SEC14L1: variants seen among roughly 807,000 people sequenced by gnomAD.
SEC14L1 encodes the protein SEC14-like protein 1.
SEC14L1 carries 48 observed loss-of-function variants against 85.3 expected under a neutral mutation model. That is an observed-to-expected ratio of 0.56 (90% CI 0.45 to 0.72). The LOEUF (loss-of-function observed/expected upper bound fraction) is 0.72. Among genes scored for constraint, SEC14L1 ranks in the 30% least tolerant of loss-of-function variants. The pLI is 0.00. For missense variants in SEC14L1, 682 were observed against 921.4 expected (o/e 0.74, Z 3.36); for synonymous variants, 391 against 355.5 (o/e 1.10, Z -1.12).
chr17:77,136,908 TTTC>T (rs1425362026), upstream of SEC14L1, among the ~76,000 whole-genome samples: 2 of 150,626 alleles, frequency 1.3e-5, no homozygotes, highest in East Asian at 1.9e-4. Context: ...TTTCTTTTTC[TTTC>T]TTTTTTTTTT....
chr17:77,128,760 G>T (rs561089444), intron 3 of SEC14L1, among the ~76,000 whole-genome samples: 3 of 152,124 alleles, frequency 2.0e-5, no homozygotes, highest in Admixed American at 2.0e-4. Context: ...GGCCACGCTT[G>T]GGCATTTTAA....
At chr17:77,155,379 G>C (rs1427035067) in intron 3 of SEC14L1, among the ~76,000 whole-genome samples, 1 of 152,082 alleles carries the variant, frequency 6.6e-6, no homozygotes, top group Non-Finnish European at 1.5e-5. Context: ...CCACTCAGAA[G>C]CTCTCCCTTT....
chr17:77,203,771 GT>G, intron 10 of SEC14L1, 113 bp downstream of exon 10: 1 of 725,064 alleles, frequency 1.4e-6, no homozygotes, highest in Non-Finnish European at 2.3e-6. Flanking sequence ...TGCTTATGTA[GT>G]TAGGACTGAA....
intron 3 of SEC14L1, among the ~76,000 whole-genome samples, chr17:77,123,688 C>T (rs895987600): frequency 6.6e-6 from 1 of 151,950 alleles, no homozygotes; most frequent in African/African-American, 2.4e-5. Context: ...GTTGGGATTA[C>T]AGGCGAGAGC....
intron 3 of SEC14L1, among the ~76,000 whole-genome samples, chr17:77,134,399 G>A (rs1972724211): frequency 6.6e-6 from 1 of 152,058 alleles, no homozygotes; most frequent in African/African-American, 2.4e-5. Flanking sequence ...ATAGATGCGA[G>A]CCACCATGAC....
chr17:77,090,741 G>A (rs1188256467), intron 2 of SEC14L1, among the ~76,000 whole-genome samples: 1 of 152,076 alleles, frequency 6.6e-6, no homozygotes, highest in Non-Finnish European at 1.5e-5. Flanking sequence ...TGTAATCACA[G>A]CACTTTTGGA....
intron 6 of SEC14L1, among the ~76,000 whole-genome samples, chr17:77,194,042 A>G (rs1173557923): frequency 1.3e-5 from 2 of 152,140 alleles, no homozygotes; most frequent in Non-Finnish European, 2.9e-5. Context: ...TTTTCAGGGT[A>G]CTGTGTTGGA....
chr17:77,165,670 T>G (rs1028867090), intron 3 of SEC14L1, among the ~76,000 whole-genome samples: 1 of 152,056 alleles, frequency 6.6e-6, no homozygotes, highest in Non-Finnish European at 1.5e-5. Context: ...GTATGATCAT[T>G]TTTTTTGCCA....
intron 3 of SEC14L1, among the ~76,000 whole-genome samples, chr17:77,117,656 A>G (rs1254378340): frequency 6.6e-6 from 1 of 152,206 alleles, no homozygotes; most frequent in African/African-American, 2.4e-5. Context: ...GACCCTGGCC[A>G]GCTCCTGCAG....
At chr17:77,183,749 G>A (rs560172206) in intron 3 of SEC14L1, among the ~76,000 whole-genome samples, 1 of 152,326 alleles carries the variant, frequency 6.6e-6, no homozygotes, top group Admixed American at 6.5e-5. Flanking sequence ...AGCTAATGCA[G>A]CATTGCATTT....
intron 1 of SEC14L1, among the ~76,000 whole-genome samples, chr17:77,142,300 C>T (rs117141737): frequency 0.015 from 2,249 of 152,172 alleles, 52 homozygotes; most frequent in Admixed American, 0.041. Context: ...CTATACCAGG[C>T]GCCGTGACTC....
At chr17:77,202,030 T>C (rs1397712916) in intron 9 of SEC14L1, among the ~76,000 whole-genome samples, 1 of 152,132 alleles carries the variant, frequency 6.6e-6, no homozygotes, top group Non-Finnish European at 1.5e-5. Context: ...TGCTGCGCCT[T>C]CTGGGACTGT....
chr17:77,099,165 A>G (rs1040347346), intron 3 of SEC14L1: 2 of 152,180 alleles, frequency 1.3e-5, no homozygotes, highest in African/African-American at 4.8e-5. Context: ...GCCACGTTAG[A>G]ACTACAGCCC....
At chr17:77,098,222 G>A (rs957076349) in intron 3 of SEC14L1, among the ~76,000 whole-genome samples, 2 of 152,154 alleles carry the variant, frequency 1.3e-5, no homozygotes, top group African/African-American at 2.4e-5. Context: ...TTCTAGGCCC[G>A]GTGCAGTGGC....
intron 3 of SEC14L1, among the ~76,000 whole-genome samples, chr17:77,159,305 G>T (rs777938645): frequency 6.6e-6 from 1 of 151,144 alleles, no homozygotes; most frequent in Non-Finnish European, 1.5e-5. Flanking sequence ...GACCTCAGGC[G>T]ATGGGCCTGT....
At chr17:77,106,401 A>T (rs1311830917) in intron 3 of SEC14L1, among the ~76,000 whole-genome samples, 4 of 151,968 alleles carry the variant, frequency 2.6e-5, no homozygotes, top group Non-Finnish European at 4.4e-5. Flanking sequence ...ACGTGGTGGC[A>T]CGCACCTGAA....
At chr17:77,175,867 G>A (rs542531279) in intron 3 of SEC14L1, among the ~76,000 whole-genome samples, 47 of 151,956 alleles carry the variant, frequency 3.1e-4, no homozygotes, top group South Asian at 1.5e-3. Flanking sequence ...TTTAATTTCC[G>A]GCCTCCGTGT....
intron 9 of SEC14L1, among the ~76,000 whole-genome samples, chr17:77,202,491 C>T (rs540617070): frequency 6.6e-6 from 1 of 152,320 alleles, no homozygotes; most frequent in East Asian, 1.9e-4. Flanking sequence ...TGGTGGCACA[C>T]ACCTGTAGTC....
At chr17:77,181,743 CTAAA>C (rs772043524) in intron 3 of SEC14L1, among the ~76,000 whole-genome samples, 2 of 152,170 alleles carry the variant, frequency 1.3e-5, no homozygotes, top group Non-Finnish European at 2.9e-5. Context: ...TCTTGCCTCT[CTAAA>C]TAAGCCATGT....
Sources: gnomAD v4.1 joint callset for allele counts (sites outside exome capture counted in the v4.1 genomes callset) on GRCh38, gnomAD v4.1.1 for gene constraint, MANE v1.5 for transcripts, NCBI Gene and HGNC (gene_info 2026-07-23, HGNC 2026-07-21) for gene names.